CFAP44: variants seen among roughly 807,000 people sequenced by gnomAD.
CFAP44 encodes the protein cilia- and flagella-associated protein 44.
Under a neutral mutation model 216.2 loss-of-function variants are expected in CFAP44, and 134 were observed. That is an observed-to-expected ratio of 0.62 (90% CI 0.54 to 0.72). CFAP44 has a LOEUF of 0.72. CFAP44 is among the 30% of genes least tolerant of loss of function. The pLI, the probability that CFAP44 is intolerant of heterozygous loss-of-function variation, is 0.00. For missense variants in CFAP44, 2,035 were observed against 2,182.1 expected, an observed-to-expected ratio of 0.93 and a Z score of 1.34; for synonymous variants, 700 against 727.6, an observed-to-expected ratio of 0.96 and a Z score of 0.61.
At chr3:113,437,664 G>A (rs149852060) in intron 1 of CFAP44, among the ~76,000 whole-genome samples, 30 of 152,246 alleles carry the variant, frequency 2.0e-4, no homozygotes, top group African/African-American at 7.0e-4. Context: ...ACCTTTCCTG[G>A]GTCATAAAAG....
intron 24 of CFAP44, among the ~76,000 whole-genome samples, chr3:113,334,288 T>A (rs529511562): frequency 6.6e-6 from 1 of 152,246 alleles, no homozygotes; most frequent in Admixed American, 6.5e-5. Flanking sequence ...TGCTGTAAAA[T>A]TTTCAGAAAA....
At chr3:113,295,849 C>T (rs942824914) in intron 33 of CFAP44, among the ~76,000 whole-genome samples, 1 of 152,152 alleles carries the variant, frequency 6.6e-6, no homozygotes, top group African/African-American at 2.4e-5. Flanking sequence ...TACAGTAATA[C>T]AATTCAAGCC....
intron 23 of CFAP44, among the ~76,000 whole-genome samples, chr3:113,342,400 A>G (rs1950341335): frequency 6.6e-6 from 1 of 152,152 alleles, no homozygotes; most frequent in Non-Finnish European, 1.5e-5. Context: ...TCAACCCCAT[A>G]ATAAGTACTG....
At chr3:113,325,318 T>A (rs1277371549) in intron 28 of CFAP44, among the ~76,000 whole-genome samples, 1 of 145,664 alleles carries the variant, frequency 6.9e-6, no homozygotes, top group African/African-American at 2.5e-5. Flanking sequence ...AAAAAAAAAA[T>A]CACTAAAAAA....
At chr3:113,381,900 G>A (rs7636986) in intron 15 of CFAP44, among the ~76,000 whole-genome samples, 12,614 of 152,216 alleles carry the variant, frequency 0.083, 638 homozygotes, top group East Asian at 0.15. Flanking sequence ...AATGTAAATT[G>A]TAATTGCAGA....
intron 32 of CFAP44, among the ~76,000 whole-genome samples, chr3:113,300,152 A>C (rs1949920857): frequency 6.6e-6 from 1 of 152,194 alleles, no homozygotes; most frequent in Non-Finnish European, 1.5e-5. Flanking sequence ...GTGAGAGCTA[A>C]AAATTTAAAC....
intron 7 of CFAP44, among the ~76,000 whole-genome samples, chr3:113,408,697 C>T (rs1825747): frequency 6.6e-6 from 1 of 152,014 alleles, no homozygotes; most frequent in South Asian, 2.1e-4. Context: ...AAACCCAACT[C>T]TACTAAAAAT....
intron 28 of CFAP44, among the ~76,000 whole-genome samples, 176 bp downstream of exon 28, chr3:113,326,269 A>G (rs1018872218): frequency 6.6e-6 from 1 of 152,112 alleles, no homozygotes; most frequent in African/African-American, 2.4e-5. Flanking sequence ...ACACAGATTA[A>G]CTCGAGGTGT....
chr3:113,350,877 A>AT (rs1950438275), intron 22 of CFAP44, among the ~76,000 whole-genome samples: 1 of 152,192 alleles, frequency 6.6e-6, no homozygotes. Context: ...GAAAAAGATG[A>AT]TTTGACCCAG....
intron 17 of CFAP44, 55 bp from the exon 18 acceptor site, chr3:113,373,611 T>C: frequency 1.5e-6 from 2 of 1,359,680 alleles, no homozygotes; most frequent in South Asian, 2.0e-5. Flanking sequence ...CACACATAAA[T>C]GCATGAGAAT....
chr3:113,316,361 C>T (rs988955808), intron 28 of CFAP44, among the ~76,000 whole-genome samples: 5 of 151,914 alleles, frequency 3.3e-5, no homozygotes, highest in Non-Finnish European at 7.4e-5. Context: ...ATAATCTAAA[C>T]TCCCACAACA....
intron 22 of CFAP44, among the ~76,000 whole-genome samples, chr3:113,352,377 G>C (rs183095032): frequency 1.6e-4 from 25 of 152,256 alleles, no homozygotes; most frequent in Admixed American, 1.4e-3. Flanking sequence ...TCTTGCTGCT[G>C]CTCACTCTTT....
At chr3:113,431,645 T>C (rs965828030) in intron 2 of CFAP44, among the ~76,000 whole-genome samples, 1 of 152,162 alleles carries the variant, frequency 6.6e-6, no homozygotes, top group African/African-American at 2.4e-5. Flanking sequence ...GAAATCCATG[T>C]TGCAAGAGTC....
chr3:113,418,598 T>C (rs953474942), intron 5 of CFAP44, among the ~76,000 whole-genome samples: 2 of 152,200 alleles, frequency 1.3e-5, no homozygotes, highest in Admixed American at 6.5e-5. Context: ...CCTCTGTCAC[T>C]ACCCAGGCTT....
chr3:113,314,259 G>T (rs1437165062), intron 28 of CFAP44, among the ~76,000 whole-genome samples: 1 of 151,998 alleles, frequency 6.6e-6, no homozygotes, highest in Non-Finnish European at 1.5e-5. Flanking sequence ...TAAAGACAAA[G>T]AAAAAGTCTT....
At chr3:113,303,605 T>C (rs1298091619) in intron 32 of CFAP44, among the ~76,000 whole-genome samples, 1 of 152,202 alleles carries the variant, frequency 6.6e-6, no homozygotes, top group African/African-American at 2.4e-5. Flanking sequence ...GGGCTTCGAT[T>C]GTATCTCAAC....
intron 4 of CFAP44, among the ~76,000 whole-genome samples, chr3:113,423,431 C>T (rs577778599): frequency 2.6e-5 from 4 of 152,244 alleles, no homozygotes; most frequent in East Asian, 1.9e-4. Context: ...TGAGCTGCTG[C>T]GCCTGGCCTG....
chr3:113,316,018 C>A (rs1375130258), intron 28 of CFAP44, among the ~76,000 whole-genome samples: 1 of 152,154 alleles, frequency 6.6e-6, no homozygotes. Context: ...GCCCAGAGAA[C>A]AAATACCAAG....
At chr3:113,330,724 T>C (rs1484823149) in intron 25 of CFAP44, 56 bp from the exon 26 acceptor site, 11 of 1,469,304 alleles carry the variant, frequency 7.5e-6, no homozygotes, top group South Asian at 1.4e-5. Context: ...AATAACTGTA[T>C]GGAATATGAT....
Sources: gnomAD v4.1 joint callset for allele counts (sites outside exome capture counted in the v4.1 genomes callset) on GRCh38, gnomAD v4.1.1 for gene constraint, MANE v1.5 for transcripts, NCBI Gene and HGNC (gene_info 2026-07-23, HGNC 2026-07-21) for gene names.